Variants in FBXW7 observed in about 807,000 individuals in gnomAD.
FBXW7 encodes F-box and WD repeat domain containing 7, also known as F-box/WD repeat-containing protein 7.
Under a neutral mutation model 86.3 loss-of-function variants are expected in FBXW7, and 11 were observed. The observed-to-expected ratio is 0.13, with a 90% CI of 0.08 to 0.21. The LOEUF is 0.21. Ranked by LOEUF, FBXW7 falls within the 10% of genes least tolerant of loss-of-function variation. The pLI, the probability that FBXW7 is intolerant of heterozygous loss-of-function variation, is 1.00. For missense variants in FBXW7, 488 were observed against 847.4 expected (o/e 0.58, Z 5.27); for synonymous variants, 313 against 297.9 (o/e 1.05, Z -0.52).
At chr4:152,382,186 T>C (rs1332043285) in intron 4 of FBXW7, 3 of 1,550,030 alleles carry the variant, frequency 1.9e-6, no homozygotes, top group Non-Finnish European at 2.6e-6. Flanking sequence ...GTGTGAGACT[T>C]ACCCGTCTTC....
chr4:152,364,252 T>C (rs764674496), intron 4 of FBXW7, among the ~76,000 whole-genome samples: 16 of 152,162 alleles, frequency 1.1e-4, no homozygotes, highest in Non-Finnish European at 2.1e-4. Flanking sequence ...TGGGTTTTGC[T>C]TCCTTTTCCC....
chr4:152,320,735 T>C lies in FBXW7; in HGVS notation c.*2146A>G, dbSNP rs544218080. On this transcript the variant is annotated 3_prime_UTR_variant, in exon 14 of 14. Coordinates refer to ENST00000281708, the MANE Select transcript of FBXW7 (RefSeq NM_001349798.2). ...AGCATGTATTTAGTCTTTGGAAATA[T>C]GGGTTTGAGTTCTGGCATTCCGCTA... is the stretch of plus-strand genomic sequence containing the variant. 3.9e-5 allele frequency: 6 copies of C among 152,188 alleles called. No individual in the cohort carries two copies. The highest frequency in any genetic ancestry group is 2.1e-4 in the South Asian group (1 of 4,828). The allele number at this position is 152,188 out of a possible 1,614,324, so 9.4% of individuals were successfully genotyped here.
At chr4:152,340,752 G>T (rs1261387175) in intron 6 of FBXW7, among the ~76,000 whole-genome samples, 2 of 151,966 alleles carry the variant, frequency 1.3e-5, no homozygotes, top group African/African-American at 2.4e-5. Context: ...CTCCAGCCTG[G>T]AGTCCTTCCT....
intron 7 of FBXW7, 30 bp downstream of exon 7, chr4:152,337,772 C>T (rs2126582260): frequency 6.3e-7 from 1 of 1,587,504 alleles, no homozygotes; most frequent in South Asian, 1.2e-5. Context: ...CAAATAACAC[C>T]CAATGAAGAA....
intron 2 of FBXW7, among the ~76,000 whole-genome samples, chr4:152,437,524 G>C (rs1179202924): frequency 6.6e-6 from 1 of 152,212 alleles, no homozygotes; most frequent in African/African-American, 2.4e-5. Flanking sequence ...TGTTTCTTCT[G>C]AATGAGCAAG....
At chr4:152,344,978 T>C (rs1429259470) in intron 6 of FBXW7, among the ~76,000 whole-genome samples, 3 of 152,288 alleles carry the variant, frequency 2.0e-5, no homozygotes, top group African/African-American at 7.2e-5. Flanking sequence ...TATTTTCTTA[T>C]AAAAATGATA....
intron 2 of FBXW7, among the ~76,000 whole-genome samples, chr4:152,518,163 A>G (rs1748680455): frequency 6.8e-6 from 1 of 148,132 alleles, no homozygotes; most frequent in Non-Finnish European, 1.5e-5. Context: ...TAATTTTTCT[A>G]TTTTTAGTAG....
intron 4 of FBXW7, among the ~76,000 whole-genome samples, chr4:152,360,096 TC>T (rs1409752491): frequency 2.6e-5 from 4 of 152,206 alleles, no homozygotes; most frequent in Non-Finnish European, 4.4e-5. Context: ...CAATTATTTC[TC>T]CTAACTGAAA....
chr4:152,350,206 A>G (rs1480138190), intron 4 of FBXW7, 82 bp from the exon 5 acceptor site: 2 of 697,586 alleles, frequency 2.9e-6, no homozygotes, highest in African/African-American at 3.7e-5. Flanking sequence ...AATATTTTAA[A>G]TTCTTAAATT....
intron 2 of FBXW7, among the ~76,000 whole-genome samples, chr4:152,458,101 C>A (rs1742603405): frequency 6.6e-6 from 1 of 152,246 alleles, no homozygotes; most frequent in African/African-American, 2.4e-5. Flanking sequence ...CTCACTGCAA[C>A]CTCTGCCTCC....
intron 2 of FBXW7, among the ~76,000 whole-genome samples, chr4:152,468,496 C>T (rs1285519422): frequency 6.6e-6 from 1 of 152,084 alleles, no homozygotes; most frequent in Non-Finnish European, 1.5e-5. Flanking sequence ...AGAAGCCAGA[C>T]ACAAAAGGAC....
Position 152,535,816 on chromosome 4 carries a change from C to T in FBXW7, c.-902G>A, listed in dbSNP as rs1011806820. ...GCCCCCCAAGCCGCCGGCTCCGGCT[C>T]AGGCTCGGGCTCCGGCTCTGGCTCC... On this transcript the variant is annotated 5_prime_UTR_variant, in exon 1 of 14. Coordinates refer to ENST00000281708, the MANE Select transcript of FBXW7 (RefSeq NM_001349798.2). 2.5e-6 allele frequency: 1 copy of T among 394,108 alleles called. No homozygotes were observed. The highest frequency in any genetic ancestry group is 4.5e-6 in the Non-Finnish European group (1 of 223,314). 24.4% of individuals were successfully genotyped at this position (394,108 alleles called of 1,614,324 possible).
chr4:152,386,163 C>T lies in FBXW7; in HGVS notation c.501+25140G>A, dbSNP rs556961471. On this transcript the variant is annotated intron_variant, in intron 4 of 13. Transcript: ENST00000281708. ...TACTCTTAAAAACATTAAAGATACT[C>T]TTTAATTACTACCCAAATTGAGACT... Among the ~76,000 whole-genome samples the T allele has an allele frequency of 4.6e-5, 7 of 152,112 alleles. No individual in the cohort carries two copies. In the East Asian group the frequency reaches 9.6e-4, roughly 21 times the overall value.
intron 2 of FBXW7, among the ~76,000 whole-genome samples, chr4:152,520,414 T>G (rs1478344027): frequency 2.3e-5 from 3 of 132,514 alleles, no homozygotes; most frequent in African/African-American, 8.8e-5. Context: ...CAGTCCGGCC[T>G]GGGCGACAGA....
chr4:152,511,694 G>T (rs1747993268), intron 2 of FBXW7, among the ~76,000 whole-genome samples: 1 of 151,916 alleles, frequency 6.6e-6, no homozygotes, highest in Non-Finnish European at 1.5e-5. Context: ...ATACTATTAT[G>T]AAAAAAATGA....
intron 2 of FBXW7, among the ~76,000 whole-genome samples, chr4:152,515,444 G>A (rs955840527): frequency 1.3e-5 from 2 of 152,066 alleles, no homozygotes; most frequent in Non-Finnish European, 2.9e-5. Context: ...TTAAAATGGG[G>A]GGAAAAAAGC....
chr4:152,369,048 T>C (rs1324497947), intron 4 of FBXW7, among the ~76,000 whole-genome samples: 3 of 152,052 alleles, frequency 2.0e-5, no homozygotes, highest in Non-Finnish European at 4.4e-5. Context: ...TTATTCAAAA[T>C]TTATGCTGTG....
chr4:152,475,868 T>C (rs1261086149), intron 2 of FBXW7, among the ~76,000 whole-genome samples: 2 of 152,152 alleles, frequency 1.3e-5, no homozygotes, highest in East Asian at 1.9e-4. Flanking sequence ...AAAATAACTA[T>C]ATTCATGGAT....
At chr4:152,472,545 CAT>C (rs1744051828) in intron 2 of FBXW7, among the ~76,000 whole-genome samples, 1 of 151,982 alleles carries the variant, frequency 6.6e-6, no homozygotes, top group Admixed American at 6.5e-5. Flanking sequence ...ACTTATAAAT[CAT>C]ATAGTCTTAT....
Sources: allele counts gnomAD v4.1 joint callset (sites outside exome capture counted in the v4.1 genomes callset), GRCh38; gene constraint gnomAD v4.1.1; transcripts MANE v1.5; gene names NCBI Gene and HGNC (gene_info 2026-07-23, HGNC 2026-07-21).